LRRC3B: variants seen among roughly 807,000 people sequenced by gnomAD.
LRRC3B encodes the protein leucine rich repeat containing 3B.
Under a neutral mutation model 12.8 loss-of-function variants are expected in LRRC3B, and 2 were observed. The observed-to-expected ratio is 0.16, with a 90% CI of 0.06 to 0.49. The LOEUF is 0.49. LRRC3B is among the 20% of genes least tolerant of loss of function. The pLI is 0.96. For missense variants in LRRC3B, 189 were observed against 319.4 expected, an observed-to-expected ratio of 0.59 and a Z score of 3.11; for synonymous variants, 132 against 122.0, an observed-to-expected ratio of 1.08 and a Z score of -0.54.
At chr3:26,707,779 T>TG (rs35316638) in intron 1 of LRRC3B, among the ~76,000 whole-genome samples, 1 of 66,222 alleles carries the variant, frequency 1.5e-5, no homozygotes. Flanking sequence ...CACACCTGTT[T>TG]TTTTTTTTCT....
chr3:26,693,324 G>T (rs1276428731), intron 1 of LRRC3B, among the ~76,000 whole-genome samples: 3 of 110,686 alleles, frequency 2.7e-5, no homozygotes, highest in African/African-American at 6.8e-5. Flanking sequence ...GCGAAACTCC[G>T]TCTCAAAAAA....
intron 1 of LRRC3B, among the ~76,000 whole-genome samples, chr3:26,654,387 A>G (rs1307110679): frequency 6.6e-6 from 1 of 152,196 alleles, no homozygotes; most frequent in Non-Finnish European, 1.5e-5. Context: ...AGATTGCACT[A>G]TATATAAATT....
At chr3:26,646,470 C>T (rs1436249080) in intron 1 of LRRC3B, among the ~76,000 whole-genome samples, 3 of 151,908 alleles carry the variant, frequency 2.0e-5, no homozygotes, top group Non-Finnish European at 4.4e-5. Flanking sequence ...TATGTTTTAT[C>T]TTTCTTTTGC....
intron 1 of LRRC3B, among the ~76,000 whole-genome samples, chr3:26,692,144 G>C (rs919975522): frequency 6.6e-6 from 1 of 152,140 alleles, no homozygotes; most frequent in African/African-American, 2.4e-5. Flanking sequence ...TATTCTGCCA[G>C]GTATCATTCT....
intron 1 of LRRC3B, among the ~76,000 whole-genome samples, chr3:26,686,225 G>A (rs571552047): frequency 5.9e-5 from 9 of 151,970 alleles, no homozygotes; most frequent in Non-Finnish European, 1.5e-5. Context: ...GACTACAGGT[G>A]CCCGCCACCA....
At chr3:26,694,367 C>CTGA (rs1700257416) in intron 1 of LRRC3B, among the ~76,000 whole-genome samples, 1 of 152,162 alleles carries the variant, frequency 6.6e-6, no homozygotes, top group Non-Finnish European at 1.5e-5. Context: ...CTTTAACAGG[C>CTGA]TGATATCCAT....
At chr3:26,634,953 T>C (rs1463342398) in intron 1 of LRRC3B, among the ~76,000 whole-genome samples, 1 of 152,228 alleles carries the variant, frequency 6.6e-6, no homozygotes, top group African/African-American at 2.4e-5. Context: ...ATCTGTGTTA[T>C]CTTTATTTGT....
rs1559350108 is a variant in LRRC3B, at chr3:26,636,859, TCCCTC to T, written c.-161+13625_-161+13629del. On this transcript the variant is annotated intron_variant, in intron 1 of 1. Coordinates refer to ENST00000396641, the Ensembl canonical transcript of LRRC3B. Reference sequence around the variant, plus strand: ...CTCCCTGCCTCCCTCCCTCCCTCCCTCCCTCCCTTCCTTCCTTCCTTCCTTCCTTT... The same window carrying T: ...CTCCCTGCCTCCCTCCCTCCCTCCCTCCTTCCTTCCTTCCTTCCTTCCTTT... Among the ~76,000 whole-genome samples the T allele has an allele frequency of 3.9e-4, 35 of 90,688 alleles. No individual in the cohort carries two copies. The East Asian group carries it at 5.4e-3, about 14-fold the overall frequency. The allele number at this position is 90,688 out of a possible 152,430, so 59.5% of individuals were successfully genotyped here. A position where few individuals can be genotyped will look rare whatever the true frequency, so the allele number is the denominator to read the frequency against.
At chr3:26,710,473 GAGAA>G (rs748999768) in exon 2 of LRRC3B, 25 of 1,532,648 alleles carry the variant, frequency 1.6e-5, no homozygotes, top group Middle Eastern at 3.5e-4. Context: ...GACTGTCATT[GAGAA>G]AGAAAGAAAG....
intron 1 of LRRC3B, among the ~76,000 whole-genome samples, chr3:26,673,396 G>GA (rs897548023): frequency 2.0e-5 from 3 of 151,992 alleles, no homozygotes; most frequent in African/African-American, 7.2e-5. Flanking sequence ...TAGATGGGGA[G>GA]AAAAAAATAG....
At chr3:26,627,983 G>A (rs1159793795) in intron 1 of LRRC3B, among the ~76,000 whole-genome samples, 1 of 152,134 alleles carries the variant, frequency 6.6e-6, no homozygotes, top group African/African-American at 2.4e-5. Context: ...TGGAACCTGG[G>A]CAGACATTCT....
At chr3:26,693,392 T>C (rs1449663779) in intron 1 of LRRC3B, among the ~76,000 whole-genome samples, 1 of 147,752 alleles carries the variant, frequency 6.8e-6, no homozygotes, top group Non-Finnish European at 1.5e-5. Flanking sequence ...TGGAGAAGCC[T>C]AGGATCAGAA....
intron 1 of LRRC3B, among the ~76,000 whole-genome samples, chr3:26,658,141 C>T (rs1215091025): frequency 1.3e-5 from 2 of 152,036 alleles, no homozygotes; most frequent in African/African-American, 4.8e-5. Flanking sequence ...TCAGTGGCAC[C>T]ATCTTGGCTA....
Position 26,686,408 on chromosome 3 carries a change from C to T in LRRC3B, c.-160-23105C>T, listed in dbSNP as rs140043219. Among the ~76,000 whole-genome samples, 691 of 152,256 alleles carry T rather than the reference C, an allele frequency of 4.5e-3. 4 individuals carry two copies. The highest frequency in any genetic ancestry group is 0.015 in the African/African-American group (641 of 41,542). Reference sequence around the variant, plus strand: ...AATGGTTATTTCTTAATTTTCCATGCTCCTTATGGTAACTTCAACACTGCT... The same window carrying T: ...AATGGTTATTTCTTAATTTTCCATGTTCCTTATGGTAACTTCAACACTGCT... On this transcript the variant is annotated intron_variant, in intron 1 of 1. Coordinates refer to ENST00000396641, the Ensembl canonical transcript of LRRC3B.
At chr3:26,665,546 G>A (rs1184800300) in intron 1 of LRRC3B, among the ~76,000 whole-genome samples, 3 of 151,858 alleles carry the variant, frequency 2.0e-5, no homozygotes, top group Non-Finnish European at 4.4e-5. Context: ...CATGGAGTTC[G>A]GTATTGACAA....
intron 1 of LRRC3B, among the ~76,000 whole-genome samples, chr3:26,629,754 G>A (rs1698713879): frequency 1.3e-5 from 2 of 152,114 alleles, no homozygotes; most frequent in Admixed American, 1.3e-4. Flanking sequence ...TTTTAACTGT[G>A]GCTCAGAAAC....
intron 1 of LRRC3B, among the ~76,000 whole-genome samples, chr3:26,688,367 A>G (rs1305430470): frequency 6.6e-6 from 1 of 152,304 alleles, no homozygotes; most frequent in South Asian, 2.1e-4. Context: ...ATTTGCCAGC[A>G]CCAATAAAAA....
At chr3:26,654,025 A>G (rs1201100626) in intron 1 of LRRC3B, among the ~76,000 whole-genome samples, 1 of 152,162 alleles carries the variant, frequency 6.6e-6, no homozygotes, top group East Asian at 1.9e-4. Flanking sequence ...TAGATGGGGA[A>G]ACAGTCCAAA....
intron 1 of LRRC3B, among the ~76,000 whole-genome samples, chr3:26,627,030 G>C (rs534696859): frequency 3.3e-4 from 50 of 152,238 alleles, no homozygotes; most frequent in African/African-American, 1.2e-3. Context: ...GTAAAGCTGA[G>C]GCAAAACAAT....
Sources: allele counts gnomAD v4.1 joint callset (sites outside exome capture counted in the v4.1 genomes callset), GRCh38; gene constraint gnomAD v4.1.1; transcripts MANE v1.5; gene names NCBI Gene and HGNC (gene_info 2026-07-23, HGNC 2026-07-21).